Variants in TRRAP observed in about 807,000 individuals in gnomAD.
The protein encoded by TRRAP is transformation/transcription domain associated protein, also known as transformation/transcription domain-associated protein.
TRRAP carries 41 observed loss-of-function variants against 438.8 expected under a neutral mutation model. The observed-to-expected ratio is 0.09, with a 90% CI of 0.07 to 0.12. TRRAP has a LOEUF of 0.12. Among genes scored for constraint, TRRAP ranks in the 10% least tolerant of loss-of-function variants. The probability of loss-of-function intolerance (pLI) is 1.00; values close to 1 mark genes in which losing one functional copy is unlikely to be tolerated. For missense variants in TRRAP, 3,122 were observed against 5,055.1 expected, an observed-to-expected ratio of 0.62 and a Z score of 11.60; for synonymous variants, 1,994 against 1,962.9, an observed-to-expected ratio of 1.02 and a Z score of -0.42.
chr7:98,883,121 A>G (rs1057261623), intron 3 of TRRAP, among the ~76,000 whole-genome samples: 2 of 152,212 alleles, frequency 1.3e-5, no homozygotes, highest in Non-Finnish European at 1.5e-5. Context: ...ACATCCTACA[A>G]TTGTATATTG....
intron 21 of TRRAP, among the ~76,000 whole-genome samples, chr7:98,923,360 A>T (rs1789890442): frequency 6.6e-6 from 1 of 152,202 alleles, no homozygotes; most frequent in South Asian, 2.1e-4. Flanking sequence ...GGTGCCTGTC[A>T]AGGCATTCTT....
intron 43 of TRRAP, among the ~76,000 whole-genome samples, chr7:98,957,389 C>T (rs782062701): frequency 1.3e-5 from 2 of 152,184 alleles, no homozygotes; most frequent in African/African-American, 2.4e-5. Flanking sequence ...GTGAAGGGTA[C>T]GTGAGACCTC....
chr7:98,887,558 C>T (rs747276946), intron 3 of TRRAP, among the ~76,000 whole-genome samples: 5 of 151,842 alleles, frequency 3.3e-5, no homozygotes, highest in Admixed American at 6.6e-5. Context: ...ACCGAGTTGG[C>T]CCAGGAGACA....
At position 98,900,615 on chromosome 7, in the gene TRRAP, C is replaced by A; in HGVS notation, c.801-9C>A. ...TGAGAGGTAATATTTTTGTTCTCTTCTTATTCAGGCAACATAAGCTTTACA... is the reference window on the plus strand; with the variant it reads ...TGAGAGGTAATATTTTTGTTCTCTTATTATTCAGGCAACATAAGCTTTACA... On this transcript the variant is annotated splice_polypyrimidine_tract_variant and intron_variant, in intron 10 of 72. Coordinates refer to ENST00000456197, the MANE Select transcript of TRRAP (RefSeq NM_001375524.1). 6.2e-7 allele frequency: 1 copy of A among 1,605,046 alleles called. No homozygotes were observed. The highest frequency in any genetic ancestry group is 8.5e-7 in the Non-Finnish European group (1 of 1,177,398).
intron 62 of TRRAP, among the ~76,000 whole-genome samples, chr7:98,986,006 C>G (rs111243762): frequency 6.6e-6 from 1 of 152,178 alleles, no homozygotes; most frequent in Non-Finnish European, 1.5e-5. Context: ...TATGGATTTG[C>G]TTATTCTGAA....
chr7:98,967,861 G>A (rs570799342), intron 51 of TRRAP, among the ~76,000 whole-genome samples, 163 bp downstream of exon 51: 1 of 152,274 alleles, frequency 6.6e-6, no homozygotes, highest in South Asian at 2.1e-4. Context: ...CAGGGCAAGC[G>A]TTCATCTAAA....
At chr7:98,909,054 T>G in intron 14 of TRRAP, 92 bp downstream of exon 14, 1 of 1,201,920 alleles carries the variant, frequency 8.3e-7, no homozygotes. Context: ...GACAGATCCT[T>G]GTTCTGTTGC....
chr7:98,966,021 T>G, intron 49 of TRRAP, 126 bp downstream of exon 49: 1 of 1,090,568 alleles, frequency 9.2e-7, no homozygotes. Context: ...TCACAGCATC[T>G]TTTCTTAATT....
rs1794477286 is a variant in TRRAP, at chr7:99,012,611, T to C, written c.*256T>C. ...TATTCCAAGCTTTCAAAATAATCTT[T>C]TAAGAAGCCAGGATTCTCCGGTCTG... On this transcript the variant is annotated 3_prime_UTR_variant, in exon 73 of 73. Coordinates refer to ENST00000456197, the MANE Select transcript of TRRAP (RefSeq NM_001375524.1). The surrounding 1 kb of genome is among the most constrained non-coding windows in gnomAD (Gnocchi z 5.9). 2 of 513,538 alleles carry C rather than the reference T, an allele frequency of 3.9e-6. No individual in the cohort carries two copies. Among genetic ancestry groups the C allele is most frequent in the Non-Finnish European group, 6.8e-6 (2 of 295,390 alleles). The allele number at this position is 513,538 out of a possible 1,614,324, so 31.8% of individuals were successfully genotyped here. A position where few individuals can be genotyped will look rare whatever the true frequency, so the allele number is the denominator to read the frequency against.
chr7:98,999,754 T>G, intron 67 of TRRAP: 1 of 643,112 alleles, frequency 1.6e-6, no homozygotes, highest in Non-Finnish European at 2.8e-6. Flanking sequence ...GCTACTATTC[T>G]GGGGGCACTC....
At chr7:98,951,143 C>A (rs1562956651) in intron 39 of TRRAP, 139 bp downstream of exon 39, 3 of 1,113,248 alleles carry the variant, frequency 2.7e-6, no homozygotes, top group Admixed American at 3.4e-5. Context: ...GTTTATTTTT[C>A]ATGATTGTGT....
rs1398794569 is a variant in TRRAP, at chr7:98,888,119, A to G, written c.151-2216A>G. On this transcript the variant is annotated intron_variant, in intron 3 of 72. Transcript: ENST00000456197. Reference sequence around the variant, plus strand: ...GTGGCGGGCGCCTGTAGTCCCAGCTACTTGGGAGGCTGAGGCAGGAGAATG... The same window carrying G: ...GTGGCGGGCGCCTGTAGTCCCAGCTGCTTGGGAGGCTGAGGCAGGAGAATG... Among the ~76,000 whole-genome samples the G allele has an allele frequency of 2.6e-5, 4 of 152,030 alleles. No individual in the cohort carries two copies. In the East Asian group the frequency reaches 7.8e-4, roughly 29 times the overall value.
At position 98,976,914 on chromosome 7, in the gene TRRAP, C is replaced by G. The variant is rs533281843; in HGVS notation, c.8248-25C>G. 2 of 1,613,672 alleles carry G rather than the reference C, an allele frequency of 1.2e-6. No individual in the cohort carries two copies. The highest frequency in any genetic ancestry group is 1.7e-5 in the Admixed American group (1 of 60,006). On this transcript the variant is annotated intron_variant, in intron 55 of 72. Coordinates refer to ENST00000456197, the MANE Select transcript of TRRAP (RefSeq NM_001375524.1). The surrounding 1 kb of genome is among the most constrained non-coding windows in gnomAD (Gnocchi z 4.6). ...AAAAAAAGTCTCTGTCTCAAGCACT[C>G]AGGAACCTTACTTTGTGTTTTCAGG...
intron 30 of TRRAP, among the ~76,000 whole-genome samples, chr7:98,940,250 G>A (rs146021101): frequency 8.2e-4 from 124 of 151,908 alleles, no homozygotes; most frequent in African/African-American, 2.8e-3. Context: ...GTACAGTGGC[G>A]CGATCTCGGC....
At chr7:98,958,410 G>A (rs1410014677) in intron 44 of TRRAP, among the ~76,000 whole-genome samples, 3 of 151,668 alleles carry the variant, frequency 2.0e-5, no homozygotes, top group Non-Finnish European at 2.9e-5. Flanking sequence ...AGCGATTCTC[G>A]TCCCTCAGCC....
Position 98,970,310 on chromosome 7 carries a change from C to T in TRRAP, c.7692+19C>T. 6.2e-7 allele frequency: 1 copy of T among 1,608,254 alleles called. No individual in the cohort carries two copies. The highest frequency in any genetic ancestry group is 1.7e-4 in the Middle Eastern group (1 of 6,046). On this transcript the variant is annotated intron_variant, in intron 52 of 72. Coordinates refer to ENST00000456197, the MANE Select transcript of TRRAP (RefSeq NM_001375524.1). Reference sequence around the variant, plus strand: ...AGAGGAGGTGAGGCCCTGCACCCCACAGGCAGAATCCCAGAGAGGAGGTGA... The same window carrying T: ...AGAGGAGGTGAGGCCCTGCACCCCATAGGCAGAATCCCAGAGAGGAGGTGA...
Position 98,890,367 on chromosome 7 carries a change from C to T in TRRAP, c.183C>T (p.Phe61=). The change falls in exon 4 of 73, where the codon TTC becomes TTT. Residue 61 remains phenylalanine (F), a synonymous_variant. Coordinates refer to ENST00000456197, the MANE Select transcript of TRRAP (RefSeq NM_001375524.1). ...CGTCATCTCCTCAGTATTCTACATT[C>T]CTAGAACATATCATCCCTCGATTCC... is the stretch of plus-strand genomic sequence containing the variant. ...NVTSSPQYST[F]LEHIIPRFLT... is the part of the protein sequence containing the mutation. The T allele has an allele frequency of 7.5e-6, 12 of 1,604,460 alleles. No homozygotes were observed. The highest frequency in any genetic ancestry group is 9.3e-6 in the Non-Finnish European group (11 of 1,177,318).
At chr7:99,002,360 T>C (rs1793969018) in intron 67 of TRRAP, among the ~76,000 whole-genome samples, 1 of 152,232 alleles carries the variant, frequency 6.6e-6, no homozygotes. Context: ...TTTTTGGTGT[T>C]GGCATCGCAC....
chr7:98,967,634 A>G lies in TRRAP; in HGVS notation c.7448A>G (p.Tyr2483Cys). ...MKRRVYERLLYVTCSQNWEAM... is the reference protein window; with the variant it reads ...MKRRVYERLLCVTCSQNWEAM... ...CGTCGTGTCTACGAGCGCTTGCTCT[A>G]TGTGACCTGTTCGCAGAACTGGGAA... is the stretch of plus-strand genomic sequence containing the variant. The change falls in exon 51 of 73, where the codon TAT (tyrosine) becomes TGT (cysteine). Residue 2483 changes from tyrosine to cysteine, a missense_variant. Tyr to Cys is a radical substitution (Grantham distance 194, BLOSUM62 -2). This residue lies in a region of TRRAP where 992 missense variants were observed against 1,281.2 expected (regional missense o/e 0.77). Transcript: ENST00000456197. The G allele has an allele frequency of 6.2e-7, 1 of 1,614,022 alleles. No homozygotes were observed. The highest frequency in any genetic ancestry group is 8.5e-7 in the Non-Finnish European group (1 of 1,180,010).
Sources: gnomAD v4.1 joint callset for allele counts (sites outside exome capture counted in the v4.1 genomes callset) on GRCh38, gnomAD v4.1.1 for gene constraint, gnomAD v4.1.1 regional missense constraint, Gnocchi (gnomAD v3.1) non-coding constraint, MANE v1.5 for transcripts, NCBI Gene and HGNC (gene_info 2026-07-23, HGNC 2026-07-21) for gene names.